The following SLC4A10 variants were observed in gnomAD, a reference collection of about 807,000 sequenced individuals.
The protein encoded by SLC4A10 is sodium-driven chloride bicarbonate exchanger.
A neutral mutation model predicts 137.7 loss-of-function variants in SLC4A10; 42 were observed. The observed-to-expected ratio is 0.30, with a 90% CI of 0.24 to 0.39. The LOEUF is 0.39. Ranked by LOEUF, SLC4A10 falls within the 10% of genes least tolerant of loss-of-function variation. The pLI is 1.00. For missense variants in SLC4A10, 925 were observed against 1,355.0 expected, an observed-to-expected ratio of 0.68 and a Z score of 4.98; for synonymous variants, 474 against 464.1, an observed-to-expected ratio of 1.02 and a Z score of -0.27.
chr2:161,717,147 T>G (rs1380610917), intron 1 of SLC4A10, among the ~76,000 whole-genome samples: 1 of 152,246 alleles, frequency 6.6e-6, no homozygotes, highest in African/African-American at 2.4e-5. Context: ...ATGTTGATTT[T>G]TTATCCTGAG....
At chr2:161,860,687 C>G (rs1480825756) in intron 5 of SLC4A10, among the ~76,000 whole-genome samples, 4 of 152,066 alleles carry the variant, frequency 2.6e-5, no homozygotes, top group African/African-American at 9.7e-5. Context: ...TCTATAGTAT[C>G]ACACATTTTC....
At chr2:161,666,171 G>A (rs1387829196) in intron 1 of SLC4A10, among the ~76,000 whole-genome samples, 1 of 151,422 alleles carries the variant, frequency 6.6e-6, no homozygotes, top group Non-Finnish European at 1.5e-5. Context: ...AGATGAAAAA[G>A]CTGTATTAGT....
At position 161,904,139 on chromosome 2, in the gene SLC4A10, G is replaced by A. The variant is rs201843716; in HGVS notation, c.1578G>A (p.Thr526=). The change falls in exon 13 of 27, where the codon ACG becomes ACA. Residue 526 remains threonine (T), a synonymous_variant. Coordinates refer to ENST00000446997, the MANE Select transcript of SLC4A10 (RefSeq NM_001178015.2). ...GCGCGTGTATGTCTCCTGTCATCAC[G>A]TTTGGAGGACTGCTGGGAGAAGCAA... The part of the protein sequence containing the change: ...LYCACMSPVI[T]FGGLLGEATE... 2.4e-5 allele frequency: 39 copies of A among 1,611,908 alleles called. No individual in the cohort carries two copies. The highest frequency in any genetic ancestry group is 6.7e-5 in the East Asian group (3 of 44,864).
At chr2:161,965,377 A>G (rs1439150650) in intron 23 of SLC4A10, among the ~76,000 whole-genome samples, 2 of 152,192 alleles carry the variant, frequency 1.3e-5, no homozygotes, top group Admixed American at 1.3e-4. Flanking sequence ...TTATAGGAGG[A>G]AACCAAATCC....
chr2:161,845,974 T>C (rs1357534358), intron 4 of SLC4A10, among the ~76,000 whole-genome samples: 1 of 152,150 alleles, frequency 6.6e-6, no homozygotes, highest in Admixed American at 6.6e-5. Flanking sequence ...GAAATATTTA[T>C]AGATTGAACT....
intron 1 of SLC4A10, among the ~76,000 whole-genome samples, chr2:161,732,449 CT>C (rs2046916872): frequency 6.6e-6 from 1 of 152,152 alleles, no homozygotes; most frequent in East Asian, 1.9e-4. Flanking sequence ...AATCCACCCC[CT>C]AGTCTTCAAA....
At chr2:161,789,322 A>G (rs1574974860) in intron 2 of SLC4A10, among the ~76,000 whole-genome samples, 1 of 152,118 alleles carries the variant, frequency 6.6e-6, no homozygotes, top group East Asian at 1.9e-4. Flanking sequence ...TATCCTTTAC[A>G]TGGGACTCTG....
At chr2:161,856,400 A>AC (rs1250129784) in intron 5 of SLC4A10, among the ~76,000 whole-genome samples, 1 of 114,840 alleles carries the variant, frequency 8.7e-6, no homozygotes, top group Non-Finnish European at 1.9e-5. Context: ...CACACACACC[A>AC]CACTGCCCCA....
At chr2:161,882,497 C>T (rs1045991682) in intron 10 of SLC4A10, 53 bp downstream of exon 10, 6 of 1,135,172 alleles carry the variant, frequency 5.3e-6, no homozygotes, top group Non-Finnish European at 7.5e-6. Flanking sequence ...ATACCTAAAA[C>T]TTTTGGAGGT....
At chr2:161,980,827 G>T (rs74751450) in intron 26 of SLC4A10, among the ~76,000 whole-genome samples, 6,742 of 152,146 alleles carry the variant, frequency 0.044, 195 homozygotes, top group South Asian at 0.078. Flanking sequence ...GGTCATTATG[G>T]AGTTCCTGGC....
At chr2:161,923,681 G>T (rs1353030316) in intron 15 of SLC4A10, among the ~76,000 whole-genome samples, 1 of 151,896 alleles carries the variant, frequency 6.6e-6, no homozygotes, top group Non-Finnish European at 1.5e-5. Flanking sequence ...TTGTGGGGTG[G>T]GGGGAGTGGG....
At chr2:161,812,590 C>T (rs1183183673) in intron 3 of SLC4A10, among the ~76,000 whole-genome samples, 1 of 152,056 alleles carries the variant, frequency 6.6e-6, no homozygotes, top group Non-Finnish European at 1.5e-5. Flanking sequence ...CAATGTTTAT[C>T]TCCCATTTAT....
intron 3 of SLC4A10, among the ~76,000 whole-genome samples, chr2:161,830,520 G>T: frequency 6.7e-6 from 1 of 149,574 alleles, no homozygotes. Flanking sequence ...GAATAAGACT[G>T]GAAACTTTGA....
chr2:161,969,434 G>A (rs1254110648), intron 23 of SLC4A10, among the ~76,000 whole-genome samples: 1 of 152,158 alleles, frequency 6.6e-6, no homozygotes, highest in African/African-American at 2.4e-5. Context: ...TGTGTAAAGG[G>A]AAGACTGCAG....
rs528682863 is a variant in SLC4A10, at chr2:161,882,317, T to A, written c.1107-40T>A. 7.8e-5 allele frequency: 99 copies of A among 1,265,662 alleles called. 1 individual carries two copies. In the South Asian group the frequency reaches 1.4e-3, roughly 18 times the overall value. 78.4% of individuals were successfully genotyped at this position (1,265,662 alleles called of 1,614,324 possible). A position where few individuals can be genotyped will look rare whatever the true frequency, so the allele number is the denominator to read the frequency against. On this transcript the variant is annotated intron_variant, in intron 9 of 26. Transcript: ENST00000446997. ...TTCTGTATTACTAAAATTATTTTTA[T>A]ATTTCTACCTTAAAACATTTTTTTT...
At chr2:161,896,128 A>G (rs551568114) in intron 11 of SLC4A10, among the ~76,000 whole-genome samples, 76 of 152,302 alleles carry the variant, frequency 5.0e-4, no homozygotes, top group Admixed American at 2.6e-3. Flanking sequence ...AGCTTTCTAC[A>G]TATGGCTAGC....
At chr2:161,661,590 G>A (rs2038411484) in intron 1 of SLC4A10, among the ~76,000 whole-genome samples, 1 of 152,240 alleles carries the variant, frequency 6.6e-6, no homozygotes, top group African/African-American at 2.4e-5. Context: ...CTTAGCTTCT[G>A]TTTGAAAGTG....
intron 3 of SLC4A10, among the ~76,000 whole-genome samples, chr2:161,830,342 C>T (rs1179081037): frequency 6.6e-6 from 1 of 151,906 alleles, no homozygotes; most frequent in African/African-American, 2.4e-5. Context: ...AATATTAATC[C>T]AAACATTTTT....
At chr2:161,627,059 T>A (rs2032535060) in intron 1 of SLC4A10, among the ~76,000 whole-genome samples, 1 of 152,176 alleles carries the variant, frequency 6.6e-6, no homozygotes, top group Admixed American at 6.6e-5. Flanking sequence ...AAGGGAATGT[T>A]ATTATATATC....
Sources: allele counts gnomAD v4.1 joint callset (sites outside exome capture counted in the v4.1 genomes callset), GRCh38; gene constraint gnomAD v4.1.1; transcripts MANE v1.5; gene names NCBI Gene and HGNC (gene_info 2026-07-23, HGNC 2026-07-21).